The following PDE10A variants were observed in gnomAD, a reference collection of about 807,000 sequenced individuals.
PDE10A encodes phosphodiesterase 10A, also known as cAMP and cAMP-inhibited cGMP 3',5'-cyclic phosphodiesterase 10A.
A neutral mutation model predicts 97.7 loss-of-function variants in PDE10A; 39 were observed. That is an observed-to-expected ratio of 0.40 (90% CI 0.31 to 0.52). PDE10A has a LOEUF of 0.52. Ranked by LOEUF, PDE10A falls within the 20% of genes least tolerant of loss-of-function variation. PDE10A has a pLI of 0.56. For missense variants in PDE10A, 731 were observed against 1,047.8 expected, an observed-to-expected ratio of 0.70 and a Z score of 4.17; for synonymous variants, 371 against 376.8, an observed-to-expected ratio of 0.98 and a Z score of 0.18.
At chr6:165,429,708 T>C (rs937072891) in intron 9 of PDE10A, among the ~76,000 whole-genome samples, 7 of 152,078 alleles carry the variant, frequency 4.6e-5, no homozygotes, top group African/African-American at 1.7e-4. Context: ...GGGTCAGATA[T>C]ATAGATGCAG....
chr6:165,841,964 A>T (rs1032787853), intron 1 of PDE10A, among the ~76,000 whole-genome samples: 1 of 152,168 alleles, frequency 6.6e-6, no homozygotes, highest in African/African-American at 2.4e-5. Context: ...CTGTTTCCCA[A>T]CACTCCCCGC....
chr6:165,787,914 G>A (rs1014405787), intron 1 of PDE10A, among the ~76,000 whole-genome samples: 2 of 152,144 alleles, frequency 1.3e-5, no homozygotes, highest in African/African-American at 4.8e-5. Context: ...AACACTTCTT[G>A]ACCCAGAAGT....
intron 1 of PDE10A, among the ~76,000 whole-genome samples, chr6:165,568,279 G>A (rs546669668): frequency 4.5e-4 from 69 of 152,064 alleles, no homozygotes; most frequent in Non-Finnish European, 8.1e-4. Context: ...GATTACAGGC[G>A]TGAGCCACCG....
chr6:165,871,259 G>T (rs1031299234), intron 1 of PDE10A, among the ~76,000 whole-genome samples: 1 of 152,196 alleles, frequency 6.6e-6, no homozygotes, highest in Admixed American at 6.5e-5. Flanking sequence ...ATGAATTATT[G>T]ATATAGGATG....
intron 1 of PDE10A, among the ~76,000 whole-genome samples, chr6:165,713,887 G>A (rs575791115): frequency 1.7e-4 from 26 of 152,186 alleles, no homozygotes; most frequent in Admixed American, 6.5e-5. Flanking sequence ...CAATTAGAGC[G>A]CTTTATTGCT....
chr6:165,400,558 G>T (rs1043236764), intron 13 of PDE10A, among the ~76,000 whole-genome samples: 7 of 152,186 alleles, frequency 4.6e-5, no homozygotes, highest in Non-Finnish European at 1.0e-4. Flanking sequence ...CTTCACCAAA[G>T]ATGGTGTACA....
chr6:165,962,520 C>T (rs905927226), intron 1 of PDE10A, among the ~76,000 whole-genome samples: 5 of 152,030 alleles, frequency 3.3e-5, no homozygotes, highest in Admixed American at 6.6e-5. Flanking sequence ...GGAGAAATAC[C>T]TTTCCATGGG....
intron 1 of PDE10A, among the ~76,000 whole-genome samples, chr6:165,619,169 GTAGTC>G (rs1787898097): frequency 7.6e-6 from 1 of 131,042 alleles, no homozygotes; most frequent in African/African-American, 3.5e-5. Flanking sequence ...GTAGTGTAGT[GTAGTC>G]TAGTGTAGTG....
At chr6:165,865,884 A>C (rs541738981) in intron 1 of PDE10A, among the ~76,000 whole-genome samples, 1 of 152,314 alleles carries the variant, frequency 6.6e-6, no homozygotes, top group South Asian at 2.1e-4. Context: ...AGCTAAAAAA[A>C]ATTATCAAGT....
At chr6:165,883,208 A>T (rs755668700) in intron 1 of PDE10A, among the ~76,000 whole-genome samples, 19 of 151,878 alleles carry the variant, frequency 1.3e-4, no homozygotes, top group Non-Finnish European at 2.4e-4. Flanking sequence ...TGCACTCCAG[A>T]TTGGGCAATA....
At chr6:165,640,212 A>G (rs1369960219) in intron 1 of PDE10A, among the ~76,000 whole-genome samples, 2 of 152,238 alleles carry the variant, frequency 1.3e-5, no homozygotes, top group South Asian at 2.1e-4. Flanking sequence ...CTTTCAAAAC[A>G]TAAAGATTCT....
intron 1 of PDE10A, among the ~76,000 whole-genome samples, chr6:165,765,115 A>G (rs1165744223): frequency 6.6e-6 from 1 of 152,180 alleles, no homozygotes; most frequent in Non-Finnish European, 1.5e-5. Flanking sequence ...TGGTGTGTTT[A>G]CAAACCTTGA....
At chr6:165,516,768 T>C (rs1781834256) in intron 2 of PDE10A, among the ~76,000 whole-genome samples, 1 of 152,196 alleles carries the variant, frequency 6.6e-6, no homozygotes. Context: ...ATAAATATCA[T>C]GTTTTACTTT....
At chr6:165,427,738 C>G (rs1240735365) in intron 10 of PDE10A, among the ~76,000 whole-genome samples, 3 of 152,062 alleles carry the variant, frequency 2.0e-5, no homozygotes, top group Non-Finnish European at 4.4e-5. Context: ...AGCATAAGCT[C>G]AGTGTCAGTC....
intron 1 of PDE10A, among the ~76,000 whole-genome samples, chr6:165,657,942 G>A (rs1367499279): frequency 1.3e-5 from 2 of 152,124 alleles, no homozygotes; most frequent in Admixed American, 6.5e-5. Flanking sequence ...GGTGTCCATA[G>A]CTATATTTCA....
intron 1 of PDE10A, among the ~76,000 whole-genome samples, chr6:165,809,741 A>G (rs1779228591): frequency 6.6e-6 from 1 of 152,174 alleles, no homozygotes; most frequent in Non-Finnish European, 1.5e-5. Context: ...GTCACACTGC[A>G]TGGTCCCTTC....
At chr6:165,939,594 T>A (rs1783444540) in intron 1 of PDE10A, 1 of 152,236 alleles carries the variant, frequency 6.6e-6, no homozygotes, top group African/African-American at 2.4e-5. Flanking sequence ...CTGCTTTAAA[T>A]GAATATGACT....
chr6:165,654,473 A>G (rs980411138), intron 1 of PDE10A, among the ~76,000 whole-genome samples: 1 of 152,178 alleles, frequency 6.6e-6, no homozygotes, highest in Non-Finnish European at 1.5e-5. Context: ...CCATCTCCAC[A>G]GCAGCCCCCA....
chr6:165,913,824 T>G (rs1434113163), intron 1 of PDE10A, among the ~76,000 whole-genome samples: 1 of 152,248 alleles, frequency 6.6e-6, no homozygotes. Context: ...TCATCAGTGC[T>G]GCAAGGTCAA....
Sources: gnomAD v4.1 joint callset for allele counts (sites outside exome capture counted in the v4.1 genomes callset) on GRCh38, gnomAD v4.1.1 for gene constraint, MANE v1.5 for transcripts, NCBI Gene and HGNC (gene_info 2026-07-23, HGNC 2026-07-21) for gene names.